The following SPRR2B variants were observed in gnomAD, a reference collection of about 807,000 sequenced individuals.
The protein encoded by SPRR2B is small proline rich protein 2B.
SPRR2B carries 1 observed loss-of-function variant against 1.0 expected under a neutral mutation model. The ratio of observed to expected loss-of-function variants is 1.01; its 90% CI spans 0.36 to 4.77. The LOEUF is 4.77. Among genes scored for constraint, SPRR2B ranks in the 30% most tolerant of loss-of-function variants. The pLI is 0.16. For missense variants in SPRR2B, 53 were observed against 88.7 expected (o/e 0.60, Z 1.62); for synonymous variants, 27 against 33.4 (o/e 0.81, Z 0.66).
chr1:153,080,704 A>G, the SPRR2B span, among the ~76,000 whole-genome samples: 4 of 152,214 alleles, frequency 2.6e-5, no homozygotes, highest in African/African-American at 9.6e-5. Context: ...TAAAATATAA[A>G]CACTATAAAA....
upstream of SPRR2B, among the ~76,000 whole-genome samples, chr1:153,071,812 G>C (rs1654673139): frequency 6.6e-6 from 1 of 152,160 alleles, no homozygotes; most frequent in Non-Finnish European, 1.5e-5. Flanking sequence ...ATGGCAAAGA[G>C]GGACTTGGGG....
the SPRR2B span, among the ~76,000 whole-genome samples, chr1:153,079,815 T>C: frequency 2.6e-5 from 4 of 152,090 alleles, no homozygotes; most frequent in South Asian, 2.1e-4. Context: ...TCCAGCTTTG[T>C]TCTTTTGGCT....
At chr1:153,085,845 C>T in the SPRR2B span, among the ~76,000 whole-genome samples, 3 of 152,100 alleles carry the variant, frequency 2.0e-5, no homozygotes, top group South Asian at 6.2e-4. Context: ...CAGCAGAAAC[C>T]GTACAAGCAA....
upstream of SPRR2B, among the ~76,000 whole-genome samples, chr1:153,072,542 C>G (rs772210019): frequency 6.6e-6 from 1 of 152,120 alleles, no homozygotes; most frequent in Non-Finnish European, 1.5e-5. Context: ...GGGGTCTTCT[C>G]AGAGTAGAGA....
upstream of SPRR2B, among the ~76,000 whole-genome samples, chr1:153,072,776 A>G (rs1413197411): frequency 6.6e-6 from 1 of 152,158 alleles, no homozygotes; most frequent in African/African-American, 2.4e-5. Flanking sequence ...TCATCTGTCC[A>G]TTTTAGTACA....
At chr1:153,075,029 G>A (rs944209932), upstream of SPRR2B, among the ~76,000 whole-genome samples, 7 of 152,234 alleles carry the variant, frequency 4.6e-5, no homozygotes, top group Middle Eastern at 6.8e-3. Flanking sequence ...CCACAGACAT[G>A]CAATAACCAT....
chr1:153,077,497 A>G, the SPRR2B span, among the ~76,000 whole-genome samples: 1 of 152,254 alleles, frequency 6.6e-6, no homozygotes, highest in Non-Finnish European at 1.5e-5. Context: ...CAAGATTTAA[A>G]ATGCAAATGA....
At chr1:153,078,368 G>GT in the SPRR2B span, among the ~76,000 whole-genome samples, 56,059 of 151,936 alleles carry the variant, frequency 0.37, 11,017 homozygotes, top group Non-Finnish European at 0.45. Flanking sequence ...CTTACTTTCT[G>GT]TTTTTTTATT....
the SPRR2B span, among the ~76,000 whole-genome samples, chr1:153,087,473 G>A: frequency 6.6e-6 from 1 of 152,066 alleles, no homozygotes; most frequent in South Asian, 2.1e-4. Flanking sequence ...GGTGGTTCTT[G>A]AGAAAAATGA....
At chr1:153,085,496 G>A in the SPRR2B span, among the ~76,000 whole-genome samples, 1 of 152,088 alleles carries the variant, frequency 6.6e-6, no homozygotes, top group African/African-American at 2.4e-5. Context: ...TGAATGAAAA[G>A]GAATGAATGA....
upstream of SPRR2B, among the ~76,000 whole-genome samples, chr1:153,072,085 G>T (rs1654677939): frequency 6.6e-6 from 1 of 152,110 alleles, no homozygotes; most frequent in Non-Finnish European, 1.5e-5. Context: ...CTCTGGAATG[G>T]TAAACAGAGA....
chr1:153,074,436 A>C (rs1195040091), upstream of SPRR2B, among the ~76,000 whole-genome samples: 1 of 152,240 alleles, frequency 6.6e-6, no homozygotes, highest in African/African-American at 2.4e-5. Context: ...TTCCCCATGC[A>C]TATCTGTCTT....
chr1:153,082,850 C>A, the SPRR2B span, among the ~76,000 whole-genome samples: 4 of 151,844 alleles, frequency 2.6e-5, no homozygotes, highest in Non-Finnish European at 2.9e-5. Context: ...AAAACATGAG[C>A]CTAGCATAGA....
chr1:153,084,392 G>A, the SPRR2B span, among the ~76,000 whole-genome samples: 2,500 of 152,150 alleles, frequency 0.016, 66 homozygotes, highest in African/African-American at 0.058. Flanking sequence ...TCATGCCAAT[G>A]TATACCCTTG....
the SPRR2B span, among the ~76,000 whole-genome samples, chr1:153,083,888 T>A: frequency 6.6e-6 from 1 of 152,140 alleles, no homozygotes; most frequent in Admixed American, 6.5e-5. Context: ...GATGGCCATC[T>A]CTCTAGGCTC....
At chr1:153,075,065 G>A (rs1471614182), upstream of SPRR2B, among the ~76,000 whole-genome samples, 1 of 152,146 alleles carries the variant, frequency 6.6e-6, no homozygotes, top group Middle Eastern at 3.2e-3. Flanking sequence ...AATTCACCAG[G>A]CCGGGAACGG....
chr1:153,074,309 C>T (rs989265536), upstream of SPRR2B, among the ~76,000 whole-genome samples: 78 of 152,032 alleles, frequency 5.1e-4, no homozygotes, highest in African/African-American at 1.6e-3. Flanking sequence ...CAATACTATA[C>T]ATTCCACTAA....
At chr1:153,072,172 T>C (rs541889369), upstream of SPRR2B, among the ~76,000 whole-genome samples, 18 of 152,320 alleles carry the variant, frequency 1.2e-4, no homozygotes, top group African/African-American at 4.3e-4. Context: ...GCCTGAAATT[T>C]TCTACTTCAC....
At chr1:153,079,924 G>A in the SPRR2B span, among the ~76,000 whole-genome samples, 1 of 152,008 alleles carries the variant, frequency 6.6e-6, no homozygotes, top group Admixed American at 6.6e-5. Flanking sequence ...AACTTGATGG[G>A]GATGGCATTG....
Sources: gnomAD v4.1 joint callset for allele counts (sites outside exome capture counted in the v4.1 genomes callset) on GRCh38, gnomAD v4.1.1 for gene constraint, MANE v1.5 for transcripts, NCBI Gene and HGNC (gene_info 2026-07-23, HGNC 2026-07-21) for gene names.